The following ASPM variants were observed in gnomAD, a reference collection of about 807,000 sequenced individuals.
ASPM encodes the protein abnormal spindle-like microcephaly-associated protein.
Under a neutral mutation model 366.4 loss-of-function variants are expected in ASPM, and 256 were observed. The ratio of observed to expected loss-of-function variants is 0.70; its 90% CI spans 0.63 to 0.77. The LOEUF (loss-of-function observed/expected upper bound fraction) is 0.77, where lower values mean the gene tolerates loss of function less well. ASPM is among the 30% of genes least tolerant of loss of function. The pLI, the probability that ASPM is intolerant of heterozygous loss-of-function variation, is 0.00. For missense variants in ASPM, 4,146 were observed against 4,090.4 expected (o/e 1.01, Z -0.37); for synonymous variants, 1,414 against 1,342.9 (o/e 1.05, Z -1.16).
Position 197,102,746 on chromosome 1 carries a change from C to T in ASPM, c.6505G>A (p.Ala2169Thr), listed in dbSNP as rs765771688. The change falls in exon 18 of 28, where the codon GCT (alanine) becomes ACT (threonine). Residue 2169 changes from alanine to threonine, a missense_variant. Around this residue, in one of 3 missense-constraint regions of ASPM, gnomAD observed 3,624 missense variants for 3,591.7 expected, o/e 1.01. Coordinates refer to ENST00000367409, the MANE Select transcript of ASPM (RefSeq NM_018136.5). Reference protein sequence around the residue: ...QREKYLTILKAVKVLQASFRG... With the variant: ...QREKYLTILKTVKVLQASFRG... Reference sequence around the variant, plus strand: ...AAACTTGCCTGAAGGACTTTAACAGCTTTCAAAATTGTCAGGTACTTTTCA... The same window carrying T: ...AAACTTGCCTGAAGGACTTTAACAGTTTTCAAAATTGTCAGGTACTTTTCA... 1 of 1,612,652 alleles carries T rather than the reference C, an allele frequency of 6.2e-7. No individual in the cohort carries two copies. The highest frequency in any genetic ancestry group is 8.5e-7 in the Non-Finnish European group (1 of 1,179,252).
intron 10 of ASPM, among the ~76,000 whole-genome samples, chr1:197,125,702 T>A (rs974471012): frequency 6.6e-6 from 1 of 152,102 alleles, no homozygotes; most frequent in African/African-American, 2.4e-5. Context: ...AGATGAGAAC[T>A]AAAATCCAGT....
chr1:197,094,126 T>C lies in ASPM; in HGVS notation c.9042A>G (p.Ile3014Met), dbSNP rs200566893. The C allele has an allele frequency of 8.7e-6, 14 of 1,607,514 alleles. No individual in the cohort carries two copies. Among genetic ancestry groups the C allele is most frequent in the Admixed American group, 5.0e-5 (3 of 59,532 alleles). Reference protein sequence around the residue: ...AIIIQRKWRAILPAKIAHEHF... With the variant: ...AIIIQRKWRAMLPAKIAHEHF... The stretch of plus-strand genomic sequence containing the variant: ...GTTCATGAGCTATCTTTGCAGGAAG[T>C]ATAGCTCTCCATTTTCTCTGAATGA... The change falls in exon 20 of 28, where the codon ATA (isoleucine) becomes ATG (methionine). Residue 3014 changes from isoleucine to methionine, a missense_variant. This residue lies in a region of ASPM where 3,624 missense variants were observed against 3,591.7 expected (regional missense o/e 1.01). Transcript: ENST00000367409.
Position 197,124,155 on chromosome 1 carries a change from T to C in ASPM, c.3345A>G (p.Leu1115=), listed in dbSNP as rs1430515333. The C allele has an allele frequency of 6.2e-7, 1 of 1,612,758 alleles. No individual in the cohort carries two copies. Among genetic ancestry groups the C allele is most frequent in the Non-Finnish European group, 8.5e-7 (1 of 1,179,246 alleles). The part of the protein sequence containing the change: ...SFEQYSENIK[L]LMDWVNAVCA... ...AAACAGCATTTACCCAATCCATCAA[T>C]AACTTTATGTTTTCACTATATTGTT... The change falls in exon 13 of 28, where the codon TTA becomes TTG. Residue 1115 remains leucine, a synonymous_variant. Coordinates refer to ENST00000367409, the MANE Select transcript of ASPM (RefSeq NM_018136.5).
At chr1:197,118,253 C>T (rs750848612) in intron 16 of ASPM, among the ~76,000 whole-genome samples, 8 of 151,960 alleles carry the variant, frequency 5.3e-5, no homozygotes, top group Non-Finnish European at 4.4e-5. Flanking sequence ...TATCACAGAT[C>T]CTCAGTAATC....
At position 197,143,463 on chromosome 1, in the gene ASPM, A is replaced by G; in HGVS notation, c.789T>C (p.Ser263=). ...SENRELLNVH[S]ANVSKVSFNE... Reference sequence around the variant, plus strand: ...TAAAAGAAACTTTTGAAACGTTGGCACTGTGTACATTTAATAGTTCCCTAT... The same window carrying G: ...TAAAAGAAACTTTTGAAACGTTGGCGCTGTGTACATTTAATAGTTCCCTAT... Residue 263 remains serine (S), a synonymous_variant, in exon 3 of 28, where the codon AGT becomes AGC. Transcript: ENST00000367409. 1 of 1,614,074 alleles carries G rather than the reference A, an allele frequency of 6.2e-7. No individual in the cohort carries two copies. Among genetic ancestry groups the G allele is most frequent in the Non-Finnish European group, 8.5e-7 (1 of 1,179,912 alleles).
chr1:197,116,139 C>T (rs1244332672), intron 17 of ASPM, among the ~76,000 whole-genome samples: 1 of 152,176 alleles, frequency 6.6e-6, no homozygotes, highest in Non-Finnish European at 1.5e-5. Flanking sequence ...GCACTTGCTG[C>T]TTTATCTTGC....
At chr1:197,141,309 G>C (rs1658572076) in intron 3 of ASPM, among the ~76,000 whole-genome samples, 1 of 152,064 alleles carries the variant, frequency 6.6e-6, no homozygotes, top group Admixed American at 6.6e-5. Context: ...CATTGTCTAT[G>C]GCTGTTTTCC....
chr1:197,088,476 A>G (rs1461475362), intron 25 of ASPM, 44 bp from the exon 26 acceptor site: 1 of 1,526,948 alleles, frequency 6.5e-7, no homozygotes, highest in Admixed American at 1.8e-5. Context: ...ATAAACACAT[A>G]CATTTACAAA....
intron 17 of ASPM, among the ~76,000 whole-genome samples, chr1:197,109,534 A>G (rs1657523698): frequency 6.6e-6 from 1 of 152,104 alleles, no homozygotes; most frequent in Non-Finnish European, 1.5e-5. Flanking sequence ...CAGTTTATAT[A>G]ATACTTAATG....
chr1:197,142,372 C>T lies in ASPM; in HGVS notation c.1880G>A (p.Arg627His), dbSNP rs373594954. Residue 627 changes from arginine (R) to histidine (H), a missense_variant, in exon 3 of 28, where the codon CGT becomes CAT. Transcript: ENST00000367409. ...GTTTAATTTCTCTCTGTTGCTAATACGTTTTGAGATGGGTGTTGTCACATT... is the reference window on the plus strand; with the variant it reads ...GTTTAATTTCTCTCTGTTGCTAATATGTTTTGAGATGGGTGTTGTCACATT... ...TKNVTTPISK[R>H]ISNREKLNLK... 52 of 1,613,702 alleles carry T rather than the reference C, an allele frequency of 3.2e-5. No individual in the cohort carries two copies. Among genetic ancestry groups the T allele is most frequent in the South Asian group, 6.6e-5 (6 of 91,068 alleles).
intron 17 of ASPM, among the ~76,000 whole-genome samples, chr1:197,107,564 A>G (rs773042054): frequency 1.3e-5 from 2 of 152,182 alleles, no homozygotes; most frequent in African/African-American, 4.8e-5. Flanking sequence ...TTCAACTCTC[A>G]CAAGAAAAGA....
chr1:197,106,941 C>A (rs1657430069), intron 17 of ASPM, among the ~76,000 whole-genome samples: 1 of 152,082 alleles, frequency 6.6e-6, no homozygotes. Flanking sequence ...GCATTAACAG[C>A]CCAATTCTTC....
At chr1:197,110,532 T>A (rs979000428) in intron 17 of ASPM, among the ~76,000 whole-genome samples, 1 of 151,850 alleles carries the variant, frequency 6.6e-6, no homozygotes, top group Admixed American at 6.6e-5. Context: ...TGGATTCCAA[T>A]AAAATGAACT....
rs763274239 is a variant in ASPM at position 197,101,235 on chromosome 1, T to C, written c.8016A>G (p.Ile2672Met). 6.2e-7 allele frequency: 1 copy of C among 1,612,278 alleles called. No homozygotes were observed. The highest frequency in any genetic ancestry group is 2.2e-5 in the East Asian group (1 of 44,746). ...TAVRTQAVIC[I>M]QSYYRGFKVR... ...CTTTAAAGCCTCTGTAATAAGACTG[T>C]ATACAAATAACTGCTTGGGTACGCA... is the stretch of plus-strand genomic sequence containing the variant. Residue 2672 changes from isoleucine (I) to methionine (M), a missense_variant, in exon 18 of 28, where the codon ATA (isoleucine) becomes ATG (methionine). Coordinates refer to ENST00000367409, the MANE Select transcript of ASPM (RefSeq NM_018136.5).
intron 3 of ASPM, among the ~76,000 whole-genome samples, chr1:197,142,045 C>T (rs1373296791): frequency 2.0e-5 from 3 of 152,104 alleles, no homozygotes; most frequent in Non-Finnish European, 4.4e-5. Flanking sequence ...TCCATTCATT[C>T]AATTCATCTT....
At chr1:197,092,844 C>T (rs972193011) in intron 21 of ASPM, among the ~76,000 whole-genome samples, 3 of 151,728 alleles carry the variant, frequency 2.0e-5, no homozygotes, top group African/African-American at 4.8e-5. Context: ...GTGGTGAACC[C>T]CTGTGAGAAA....
chr1:197,128,447 A>C (rs1417104995), intron 10 of ASPM, 43 bp downstream of exon 10: 3 of 1,547,062 alleles, frequency 1.9e-6, no homozygotes, highest in Non-Finnish European at 2.7e-6. Flanking sequence ...AGAAAATGTT[A>C]GTCTATTCCA....
At chr1:197,093,692 C>T (rs1301942015) in intron 20 of ASPM, among the ~76,000 whole-genome samples, 1 of 151,728 alleles carries the variant, frequency 6.6e-6, no homozygotes, top group African/African-American at 2.4e-5. Context: ...ACGTAACAAC[C>T]TGTGAGAATT....
At chr1:197,119,316 T>G (rs1277763105) in intron 16 of ASPM, among the ~76,000 whole-genome samples, 2 of 152,152 alleles carry the variant, frequency 1.3e-5, no homozygotes, top group Non-Finnish European at 2.9e-5. Context: ...AGGCTCAAGT[T>G]AAAAGCACAA....
Sources: gnomAD v4.1 joint callset for allele counts (sites outside exome capture counted in the v4.1 genomes callset) on GRCh38, gnomAD v4.1.1 for gene constraint, gnomAD v4.1.1 regional missense constraint, MANE v1.5 for transcripts, NCBI Gene and HGNC (gene_info 2026-07-23, HGNC 2026-07-21) for gene names.